CMTM8: variants seen among roughly 807,000 people sequenced by gnomAD.
CMTM8 encodes CKLF-like MARVEL transmembrane domain-containing protein 8.
In CMTM8, 12 loss-of-function variants were observed where a neutral mutation model predicts 18.6. The observed-to-expected ratio is 0.65, with a 90% confidence interval of 0.41 to 1.05. The LOEUF is 1.05. Ranked by LOEUF, CMTM8 falls within the 50% of genes least tolerant of loss-of-function variation. The pLI, the probability that CMTM8 is intolerant of heterozygous loss-of-function variation, is 0.00. For missense variants in CMTM8, 217 were observed against 227.2 expected (o/e 0.95, Z 0.29); for synonymous variants, 87 against 90.6 (o/e 0.96, Z 0.23).
chr3:32,287,079 G>T (rs980206905), intron 1 of CMTM8, among the ~76,000 whole-genome samples: 1 of 152,176 alleles, frequency 6.6e-6, no homozygotes, highest in South Asian at 2.1e-4. Flanking sequence ...CTTAATTTGG[G>T]GTTAGCTAAT....
At chr3:32,330,544 TG>T (rs1008901162) in intron 1 of CMTM8, among the ~76,000 whole-genome samples, 75 of 152,136 alleles carry the variant, frequency 4.9e-4, no homozygotes, top group African/African-American at 1.5e-3. Flanking sequence ...CAAAATAGTA[TG>T]GTACTGGCAT....
intron 1 of CMTM8, among the ~76,000 whole-genome samples, chr3:32,299,641 CTTCT>C (rs1656825882): frequency 6.6e-6 from 1 of 152,206 alleles, no homozygotes; most frequent in Non-Finnish European, 1.5e-5. Context: ...CAGTTATACT[CTTCT>C]TTATTTTTAA....
chr3:32,361,603 A>G (rs1696933706), intron 2 of CMTM8, among the ~76,000 whole-genome samples: 1 of 152,192 alleles, frequency 6.6e-6, no homozygotes, highest in Non-Finnish European at 1.5e-5. Flanking sequence ...AGACCACTGC[A>G]GAAACCAGAG....
intron 1 of CMTM8, among the ~76,000 whole-genome samples, chr3:32,292,520 C>T (rs999090041): frequency 3.9e-5 from 6 of 152,180 alleles, no homozygotes; most frequent in Non-Finnish European, 8.8e-5. Context: ...AAGCTGTGCA[C>T]AGAAATCTTG....
At chr3:32,338,975 A>G (rs888414587) in intron 1 of CMTM8, among the ~76,000 whole-genome samples, 1 of 152,294 alleles carries the variant, frequency 6.6e-6, no homozygotes, top group Non-Finnish European at 1.5e-5. Context: ...GGTGCTGGCT[A>G]TTGGTGGGAA....
chr3:32,245,801 A>T (rs983216489), intron 1 of CMTM8, among the ~76,000 whole-genome samples: 2 of 152,006 alleles, frequency 1.3e-5, no homozygotes, highest in Non-Finnish European at 1.5e-5. Context: ...ACTTTTATTT[A>T]TTATTATTAT....
intron 1 of CMTM8, among the ~76,000 whole-genome samples, chr3:32,312,497 G>A (rs1695838838): frequency 1.3e-5 from 2 of 152,170 alleles, no homozygotes; most frequent in African/African-American, 4.8e-5. Context: ...CCCAGGGCAA[G>A]GCATGTGGGC....
At chr3:32,276,436 G>C (rs1359088284) in intron 1 of CMTM8, among the ~76,000 whole-genome samples, 1 of 152,172 alleles carries the variant, frequency 6.6e-6, no homozygotes, top group Non-Finnish European at 1.5e-5. Context: ...ATTTTGACTT[G>C]AGAGGATAGC....
intron 2 of CMTM8, among the ~76,000 whole-genome samples, chr3:32,362,030 G>A (rs937225982): frequency 5.6e-5 from 4 of 71,822 alleles, no homozygotes; most frequent in Admixed American, 1.6e-4. Flanking sequence ...GGTTAAAGCA[G>A]CTACTATTTT....
chr3:32,247,836 C>T (rs1482858460), intron 1 of CMTM8, among the ~76,000 whole-genome samples: 1 of 152,160 alleles, frequency 6.6e-6, no homozygotes, highest in Non-Finnish European at 1.5e-5. Context: ...CATTTTCATC[C>T]CTCAAAAACA....
chr3:32,339,571 C>G (rs1438418127), intron 1 of CMTM8, among the ~76,000 whole-genome samples: 1 of 152,190 alleles, frequency 6.6e-6, no homozygotes, highest in Non-Finnish European at 1.5e-5. Context: ...GGCCAAGTGC[C>G]TTGTTGGAGA....
chr3:32,367,800 C>T (rs1166090385), intron 2 of CMTM8, 72 bp from the exon 3 acceptor site: 12 of 1,015,300 alleles, frequency 1.2e-5, no homozygotes, highest in African/African-American at 4.7e-5. Flanking sequence ...GTACAGCCCT[C>T]ATCACTTCTG....
intron 1 of CMTM8, among the ~76,000 whole-genome samples, chr3:32,244,735 A>G (rs1248869077): frequency 6.6e-6 from 1 of 152,180 alleles, no homozygotes; most frequent in Non-Finnish European, 1.5e-5. Context: ...ATGTGTTTCT[A>G]GGGTTTACTA....
chr3:32,288,684 T>C (rs1172140868), intron 1 of CMTM8, among the ~76,000 whole-genome samples: 1 of 152,160 alleles, frequency 6.6e-6, no homozygotes, highest in African/African-American at 2.4e-5. Context: ...GTATTTTTAG[T>C]AGAGACGGCA....
At chr3:32,242,110 G>C (rs1701950975) in intron 1 of CMTM8, among the ~76,000 whole-genome samples, 1 of 152,110 alleles carries the variant, frequency 6.6e-6, no homozygotes, top group African/African-American at 2.4e-5. Context: ...CCCATGTCCA[G>C]TGTCCTCTGT....
rs540808578 is a variant in CMTM8, at chr3:32,368,568, C to G, written c.438+580C>G. Among the ~76,000 whole-genome samples, 5 of 151,584 alleles carry G rather than the reference C, an allele frequency of 3.3e-5. No homozygotes were observed. The East Asian group carries it at 9.7e-4, about 29-fold the overall frequency. ...CTGGAACTCCTCAGCTTGAGCCATC[C>G]TCCTACCTCAGCCTCCTGAATAGCT... is the stretch of plus-strand genomic sequence containing the variant. On this transcript the variant is annotated intron_variant, in intron 3 of 3. Coordinates refer to ENST00000307526, the MANE Select transcript of CMTM8 (RefSeq NM_178868.5).
intron 1 of CMTM8, among the ~76,000 whole-genome samples, chr3:32,264,655 G>A (rs1288219336): frequency 1.3e-5 from 2 of 152,120 alleles, no homozygotes; most frequent in African/African-American, 4.8e-5. Context: ...ACACAGACTG[G>A]CAAATTGGAT....
chr3:32,326,170 G>A (rs115431680), intron 1 of CMTM8, among the ~76,000 whole-genome samples: 2,504 of 152,292 alleles, frequency 0.016, 23 homozygotes, highest in Middle Eastern at 0.044. Flanking sequence ...CTGCTGACTC[G>A]TCACACTCGA....
intron 1 of CMTM8, among the ~76,000 whole-genome samples, chr3:32,318,302 T>C (rs1311358644): frequency 2.0e-5 from 3 of 152,148 alleles, no homozygotes; most frequent in Non-Finnish European, 4.4e-5. Flanking sequence ...TAACCTCTTA[T>C]ACTTTTCCAT....
Sources: gnomAD v4.1 joint callset for allele counts (sites outside exome capture counted in the v4.1 genomes callset) on GRCh38, gnomAD v4.1.1 for gene constraint, MANE v1.5 for transcripts, NCBI Gene and HGNC (gene_info 2026-07-23, HGNC 2026-07-21) for gene names.